The following PGR variants were observed in gnomAD, a reference collection of about 807,000 sequenced individuals.
PGR encodes the protein progesterone receptor, also known as nuclear receptor subfamily 3 group C member 3.
A neutral mutation model predicts 76.1 loss-of-function variants in PGR; 25 were observed. The ratio of observed to expected loss-of-function variants is 0.33; its 90% confidence interval spans 0.24 to 0.46. The LOEUF (loss-of-function observed/expected upper bound fraction) is 0.46. Ranked by LOEUF, PGR falls within the 20% of genes least tolerant of loss-of-function variation. The pLI, the probability that PGR is intolerant of heterozygous loss-of-function variation, is 1.00. For synonymous variants in PGR, 579 were observed against 535.0 expected (o/e 1.08, Z -1.14); for missense variants, 1,172 against 1,225.3 (o/e 0.96, Z 0.65).
chr11:101,034,709 A>G lies in PGR; in HGVS notation c.*4407T>C, dbSNP rs2135369557. On this transcript the variant is annotated 3_prime_UTR_variant, in exon 8 of 8. Coordinates refer to ENST00000325455, the MANE Select transcript of PGR (RefSeq NM_000926.4). ...TATTAATAAATAGGGATGTGATCCA[A>G]CCTGAACTCAATAATCTAGGCCCAG... 1 of 173,520 alleles carries G rather than the reference A, an allele frequency of 5.8e-6. No homozygotes were observed. Among genetic ancestry groups the G allele is most frequent in the African/African-American group, 2.4e-5 (1 of 42,272 alleles). The allele number at this position is 173,520 out of a possible 1,614,324, so 10.7% of individuals were successfully genotyped here.
At chr11:101,062,800 A>G (rs756292006) in intron 3 of PGR, 48 bp from the exon 4 acceptor site, 1 of 1,226,682 alleles carries the variant, frequency 8.2e-7, no homozygotes, top group South Asian at 1.3e-5. Context: ...TATAAACTCC[A>G]TATCCCAGTA....
At chr11:101,041,870 T>G (rs1319011283) in intron 7 of PGR, 75 bp downstream of exon 7, 2 of 1,320,414 alleles carry the variant, frequency 1.5e-6, no homozygotes, top group African/African-American at 1.5e-5. Flanking sequence ...AAAGTAAAAT[T>G]TACATGTAAC....
At chr11:101,105,595 A>G (rs1862130774) in intron 2 of PGR, among the ~76,000 whole-genome samples, 1 of 152,044 alleles carries the variant, frequency 6.6e-6, no homozygotes, top group Non-Finnish European at 1.5e-5. Flanking sequence ...AACAAATGGA[A>G]AAACATTCCA....
chr11:101,093,442 A>T (rs1861738787), intron 2 of PGR, among the ~76,000 whole-genome samples: 1 of 152,150 alleles, frequency 6.6e-6, no homozygotes, highest in Admixed American at 6.6e-5. Flanking sequence ...AAGAAGAGAG[A>T]ACAGAAAATA....
In PGR at chr11:101,030,459, G is replaced by T; in HGVS notation, c.*8657C>A. The T allele has an allele frequency of 4.3e-6, 1 of 230,994 alleles. No homozygotes were observed. Among genetic ancestry groups the T allele is most frequent in the Non-Finnish European group, 8.6e-6 (1 of 116,678 alleles). The allele number at this position is 230,994 out of a possible 1,614,324, so 14.3% of individuals were successfully genotyped here. ...CCAGGAGAACTGTCAGGCACACATG[G>T]ATAGATGAAGAGTCTCACCCTCTTG... On this transcript the variant is annotated 3_prime_UTR_variant, in exon 8 of 8. Transcript: ENST00000325455.
chr11:101,042,702 C>A (rs1352021131), intron 6 of PGR, among the ~76,000 whole-genome samples: 1 of 152,052 alleles, frequency 6.6e-6, no homozygotes, highest in African/African-American at 2.4e-5. Context: ...ACAGGCATAT[C>A]TTGGAGATAT....
intron 3 of PGR, among the ~76,000 whole-genome samples, chr11:101,081,238 G>A (rs1370320570): frequency 6.6e-6 from 1 of 151,938 alleles, no homozygotes; most frequent in Non-Finnish European, 1.5e-5. Context: ...GACCAGCCTG[G>A]CCAAGACGGT....
chr11:101,063,918 T>C (rs899280627), intron 3 of PGR: 6 of 152,306 alleles, frequency 3.9e-5, no homozygotes, highest in African/African-American at 1.4e-4. Context: ...AATGGTCTCT[T>C]TTCTTAAGTC....
rs369617511 is a variant in PGR at position 101,061,974 on chromosome 11, G to A, written c.2212+473C>T. ...GCTATTATTTTTTAAAGTAATTTAC[G>A]TTAGGGAATTTTGTTTTCTTAATTT... is the stretch of plus-strand genomic sequence containing the variant. On this transcript the variant is annotated intron_variant, in intron 4 of 7. Transcript: ENST00000325455. 8.5e-5 allele frequency among the ~76,000 whole-genome samples: 13 copies of A among 152,262 alleles called. No individual in the cohort carries two copies. The South Asian group carries it at 2.3e-3, about 27-fold the overall frequency.
At chr11:101,081,110 G>C (rs1320559809) in intron 3 of PGR, among the ~76,000 whole-genome samples, 1 of 152,078 alleles carries the variant, frequency 6.6e-6, no homozygotes, top group Non-Finnish European at 1.5e-5. Flanking sequence ...TAGAAATCCA[G>C]AGAACATCTG....
At chr11:101,122,990 T>C (rs1034433588) in intron 2 of PGR, among the ~76,000 whole-genome samples, 1 of 152,196 alleles carries the variant, frequency 6.6e-6, no homozygotes, top group Non-Finnish European at 1.5e-5. Flanking sequence ...CATCTTTTCT[T>C]CTAACCCTCT....
chr11:101,092,333 A>T (rs1861700980), intron 2 of PGR, among the ~76,000 whole-genome samples: 1 of 152,246 alleles, frequency 6.6e-6, no homozygotes, highest in African/African-American at 2.4e-5. Context: ...TTTTAAAAAA[A>T]AATCTAAATG....
intron 2 of PGR, among the ~76,000 whole-genome samples, chr11:101,123,580 C>T (rs1386966036): frequency 1.3e-5 from 2 of 152,190 alleles, no homozygotes; most frequent in East Asian, 3.8e-4. Context: ...AATGCTTAGT[C>T]AGTGTAATCT....
chr11:101,128,474 G>A lies in PGR; in HGVS notation c.597C>T (p.Ala199=), dbSNP rs1324839235. The change falls in exon 1 of 8, where the codon GCC becomes GCT. Residue 199 remains alanine, a synonymous_variant. Coordinates refer to ENST00000325455, the MANE Select transcript of PGR (RefSeq NM_000926.4). Reference sequence around the variant, plus strand: ...CCCCGGACCAGTGAGGGCTCTCAGAGGCCGGGAGCAGCAGCTGCCGGGCTG... The same window carrying A: ...CCCCGGACCAGTGAGGGCTCTCAGAAGCCGGGAGCAGCAGCTGCCGGGCTG... ...LSPARQLLLP[A]SESPHWSGAP... The A allele has an allele frequency of 1.9e-6, 3 of 1,608,098 alleles. No homozygotes were observed. The highest frequency in any genetic ancestry group is 2.5e-6 in the Non-Finnish European group (3 of 1,179,368).
At chr11:101,041,449 C>A (rs1177359432) in intron 7 of PGR, among the ~76,000 whole-genome samples, 1 of 152,002 alleles carries the variant, frequency 6.6e-6, no homozygotes, top group African/African-American at 2.4e-5. Context: ...AACATCCTTG[C>A]ATGTATATTA....
At position 101,127,936 on chromosome 11, in the gene PGR, C is replaced by G. The variant is rs750403105; in HGVS notation, c.1135G>C (p.Asp379His). ...ATCTTTAGAGCGGGCGGCTGGAAGT[C>G]GCTATAGAGAGGGTACGCGTCGTCC... ...PKDDAYPLYS[D>H]FQPPALKIKE... is the part of the protein sequence containing the mutation. Residue 379 changes from aspartate to histidine, a missense_variant, in exon 1 of 8, where the codon GAC (aspartate) becomes CAC (histidine). Physicochemically the swap from Asp to His is moderately conservative, Grantham distance 81. Around this residue, in one of 4 missense-constraint regions of PGR, gnomAD observed 893 missense variants for 785.9 expected, o/e 1.14. Transcript: ENST00000325455. The G allele has an allele frequency of 5.6e-6, 9 of 1,611,370 alleles. No homozygotes were observed. Among genetic ancestry groups the G allele is most frequent in the Non-Finnish European group, 7.6e-6 (9 of 1,179,736 alleles).
chr11:101,041,909 T>C (rs568394603), intron 7 of PGR, 36 bp downstream of exon 7: 2 of 1,562,584 alleles, frequency 1.3e-6, no homozygotes, highest in East Asian at 2.2e-5. Context: ...ATTCAGAGAA[T>C]AATCATTGAT....
intron 3 of PGR, among the ~76,000 whole-genome samples, chr11:101,070,174 C>G (rs1051139376): frequency 6.6e-6 from 1 of 152,154 alleles, no homozygotes; most frequent in South Asian, 2.1e-4. Context: ...CCATGGAGAG[C>G]GAGCTGAAGC....
At chr11:101,102,749 C>A (rs991193973) in intron 2 of PGR, among the ~76,000 whole-genome samples, 3 of 149,698 alleles carry the variant, frequency 2.0e-5, no homozygotes, top group Admixed American at 6.8e-5. Flanking sequence ...AACCTTGTAA[C>A]AAAGTAGACA....
Sources: gnomAD v4.1 joint callset for allele counts (sites outside exome capture counted in the v4.1 genomes callset) on GRCh38, gnomAD v4.1.1 for gene constraint, gnomAD v4.1.1 regional missense constraint, MANE v1.5 for transcripts, NCBI Gene and HGNC (gene_info 2026-07-23, HGNC 2026-07-21) for gene names.